The following SPIRE2 variants were observed in gnomAD, a reference collection of about 807,000 sequenced individuals.
SPIRE2 encodes spire type actin nucleation factor 2.
In SPIRE2, 76 loss-of-function variants were observed where a neutral mutation model predicts 80.7. The observed-to-expected ratio is 0.94, with a 90% CI of 0.78 to 1.14. The LOEUF (loss-of-function observed/expected upper bound fraction) is 1.14, where lower values mean the gene tolerates loss of function less well. SPIRE2 is among the 50% of genes most tolerant of loss of function. The pLI is 0.00. For synonymous variants in SPIRE2, 535 were observed against 432.6 expected, an observed-to-expected ratio of 1.24 and a Z score of -2.94; for missense variants, 1,196 against 1,015.3, an observed-to-expected ratio of 1.18 and a Z score of -2.42.
In SPIRE2 at chr16:89,869,110, C is replaced by G. The variant is rs548250113; in HGVS notation, c.1807-457C>G. Reference sequence around the variant, plus strand: ...CAGGCCTCAGTTCAGAAGCAAAACTCTGCTTAAGGAGTACTCTTACTACCA... The same window carrying G: ...CAGGCCTCAGTTCAGAAGCAAAACTGTGCTTAAGGAGTACTCTTACTACCA... On this transcript the variant is annotated intron_variant, in intron 13 of 14. Transcript: ENST00000378247. Among the ~76,000 whole-genome samples the G allele has an allele frequency of 1.2e-3, 161 of 130,322 alleles. 2 individuals carry two copies. In the Middle Eastern group the frequency reaches 0.018, roughly 14 times the overall value. The allele number at this position is 130,322 out of a possible 152,430, so 85.5% of individuals were successfully genotyped here. A position where few individuals can be genotyped will look rare whatever the true frequency, so the allele number is the denominator to read the frequency against.
At chr16:89,859,847 C>G (rs1597222097) in intron 9 of SPIRE2, among the ~76,000 whole-genome samples, 1 of 152,138 alleles carries the variant, frequency 6.6e-6, no homozygotes, top group South Asian at 2.1e-4. Context: ...ACGGAGAGCC[C>G]TCGCGACTCA....
chr16:89,848,766 C>T (rs984423720), intron 2 of SPIRE2, among the ~76,000 whole-genome samples: 2 of 147,750 alleles, frequency 1.4e-5, no homozygotes, highest in African/African-American at 2.5e-5. Context: ...GCAGGACAGA[C>T]GAGGCAGGTT....
At chr16:89,856,293 A>T (rs1567676188) in intron 7 of SPIRE2, 57 bp downstream of exon 7, 5 of 1,525,412 alleles carry the variant, frequency 3.3e-6, no homozygotes. Flanking sequence ...GGGTTCCCCC[A>T]TTCCCCTGGT....
At chr16:89,852,895 G>C (rs1331010764) in intron 3 of SPIRE2, among the ~76,000 whole-genome samples, 5 of 4,774 alleles carry the variant, frequency 1.0e-3, no homozygotes, top group Non-Finnish European at 6.1e-4. Context: ...TCACCCCCCG[G>C]ATCCCATGGC....
chr16:89,845,779 A>AG, intron 2 of SPIRE2: 1 of 596,174 alleles, frequency 1.7e-6, no homozygotes, highest in Non-Finnish European at 3.0e-6. Context: ...ACCTCACCGC[A>AG]GGGCAGGGCC....
At chr16:89,859,053 C>A in intron 8 of SPIRE2, 112 bp from the exon 9 acceptor site, 1 of 991,828 alleles carries the variant, frequency 1.0e-6, no homozygotes, top group Non-Finnish European at 1.4e-6. Context: ...GGAGGCTGCC[C>A]CACATCGCAG....
chr16:89,851,435 C>T (rs1485040854), intron 3 of SPIRE2, among the ~76,000 whole-genome samples: 1 of 152,164 alleles, frequency 6.6e-6, no homozygotes, highest in Non-Finnish European at 1.5e-5. Flanking sequence ...CTGTGACAAC[C>T]CAGCCTCATT....
intron 2 of SPIRE2, 125 bp from the exon 3 acceptor site, chr16:89,850,179 G>C: frequency 2.5e-6 from 2 of 811,114 alleles, no homozygotes; most frequent in South Asian, 1.4e-5. Flanking sequence ...TTGTGCCTTG[G>C]TCTCTTGTGG....
chr16:89,831,984 G>A (rs574619520), intron 1 of SPIRE2, among the ~76,000 whole-genome samples: 3 of 152,362 alleles, frequency 2.0e-5, no homozygotes, highest in East Asian at 1.9e-4. Context: ...CCGTGTCCAC[G>A]TCCAGAGCTC....
intron 12 of SPIRE2, 151 bp downstream of exon 12, chr16:89,864,012 G>GGAGTTAAATTTTAAATTGTATTTAAATT: frequency 1.7e-6 from 1 of 579,484 alleles, no homozygotes; most frequent in Admixed American, 3.4e-5. Context: ...GTACGAATGA[G>GGAGTTAAATTTTAAATTGTATTTAAATT]GAGTTAAATT....
At chr16:89,836,282 T>C (rs983441262) in intron 1 of SPIRE2, 5 of 455,862 alleles carry the variant, frequency 1.1e-5, no homozygotes, top group African/African-American at 6.0e-5. Flanking sequence ...CAACTGCCAC[T>C]GTAAGCTCCT....
rs2041353690 is a variant in SPIRE2, at chr16:89,828,992, C to T, written c.244+198C>T. Among the ~76,000 whole-genome samples, 1 of 152,226 alleles carries T rather than the reference C, an allele frequency of 6.6e-6. No individual in the cohort carries two copies. Among genetic ancestry groups the T allele is most frequent in the South Asian group, 2.1e-4 (1 of 4,834 alleles). On this transcript the variant is annotated intron_variant, in intron 1 of 14. Coordinates refer to ENST00000378247, the MANE Select transcript of SPIRE2 (RefSeq NM_032451.2). This position sits in a 1 kb window ranked among gnomAD's most constrained non-coding sequence, Gnocchi z 5.9. ...CTCTTTCCTCCCTCCTTCTCTCCCT[C>T]CTTCCTCTCCCTCCCCGGCCCTGGA...
intron 1 of SPIRE2, among the ~76,000 whole-genome samples, chr16:89,841,775 G>A (rs1001089150): frequency 4.0e-5 from 6 of 151,630 alleles, no homozygotes; most frequent in Admixed American, 1.3e-4. Flanking sequence ...TCGGCTCACC[G>A]CAACCTCCAC....
chr16:89,856,009 G>A, intron 6 of SPIRE2, 104 bp from the exon 7 acceptor site: 4 of 1,527,368 alleles, frequency 2.6e-6, no homozygotes, highest in Non-Finnish European at 2.6e-6. Context: ...GTGGGCCCGT[G>A]TCATGGTCAC....
At chr16:89,844,191 C>T (rs1489726409) in intron 1 of SPIRE2, among the ~76,000 whole-genome samples, 3 of 151,358 alleles carry the variant, frequency 2.0e-5, no homozygotes, top group Admixed American at 6.6e-5. Flanking sequence ...GATGCAGTCA[C>T]GCTCTGTTGC....
intron 6 of SPIRE2, 40 bp from the exon 7 acceptor site, chr16:89,856,073 G>T (rs112419620): frequency 1.9e-6 from 3 of 1,590,956 alleles, no homozygotes; most frequent in Non-Finnish European, 2.6e-6. Flanking sequence ...CCCACCGCAG[G>T]TCCTGCTTCC....
intron 13 of SPIRE2, among the ~76,000 whole-genome samples, chr16:89,869,053 A>AAAAAAATAT: frequency 8.3e-5 from 2 of 24,030 alleles, no homozygotes; most frequent in African/African-American, 3.3e-4. Flanking sequence ...AAAAAAAAAA[A>AAAAAAATAT]ATATATATAT....
intron 1 of SPIRE2, among the ~76,000 whole-genome samples, chr16:89,833,137 ATGTGC>A (rs1270212373): frequency 6.6e-6 from 1 of 151,782 alleles, no homozygotes; most frequent in African/African-American, 2.4e-5. Context: ...GATTACAGGC[ATGTGC>A]CACCGCACAT....
chr16:89,838,164 A>ATTTTT (rs34507409), intron 1 of SPIRE2, among the ~76,000 whole-genome samples: 46 of 87,496 alleles, frequency 5.3e-4, no homozygotes, highest in Non-Finnish European at 6.0e-4. Flanking sequence ...CACGCTCAGC[A>ATTTTT]TTTTTTTTTT....
Sources: allele counts gnomAD v4.1 joint callset (sites outside exome capture counted in the v4.1 genomes callset), GRCh38; gene constraint gnomAD v4.1.1; non-coding constraint Gnocchi (gnomAD v3.1); transcripts MANE v1.5; gene names NCBI Gene and HGNC (gene_info 2026-07-23, HGNC 2026-07-21).